The following DSCAML1 variants were observed in gnomAD, a reference collection of about 807,000 sequenced individuals.
DSCAML1 encodes the protein DS cell adhesion molecule like 1.
Under a neutral mutation model 200.5 loss-of-function variants are expected in DSCAML1, and 38 were observed. The observed-to-expected ratio is 0.19, with a 90% confidence interval of 0.15 to 0.25. DSCAML1 has a LOEUF of 0.25. Among genes scored for constraint, DSCAML1 ranks in the 10% least tolerant of loss-of-function variants. The pLI is 1.00. For synonymous variants in DSCAML1, 1,215 were observed against 1,165.0 expected, an observed-to-expected ratio of 1.04 and a Z score of -0.87; for missense variants, 2,223 against 2,858.8, an observed-to-expected ratio of 0.78 and a Z score of 5.07.
rs1347906034 is a variant in DSCAML1 at position 117,439,010 on chromosome 11, A to G, written c.4145-27T>C. 1.9e-6 allele frequency: 3 copies of G among 1,581,920 alleles called. No individual in the cohort carries two copies. The Admixed American group carries it at 5.6e-5, about 30-fold the overall frequency. ...TGTGAGGGGAAAGCCACCACCCCTTAGCACAAGGGCGGACCCTGTGATGGG... is the reference window on the plus strand; with the variant it reads ...TGTGAGGGGAAAGCCACCACCCCTTGGCACAAGGGCGGACCCTGTGATGGG... On this transcript the variant is annotated intron_variant, in intron 23 of 32. Coordinates refer to ENST00000651296, the MANE Select transcript of DSCAML1 (RefSeq NM_020693.4).
chr11:117,782,117 G>A (rs1486670875), intron 1 of DSCAML1, among the ~76,000 whole-genome samples: 2 of 152,178 alleles, frequency 1.3e-5, no homozygotes, highest in East Asian at 1.9e-4. Context: ...TTTAAAGAAC[G>A]TTGCAGGGGA....
rs539963863 is a variant in DSCAML1 at position 117,462,978 on chromosome 11, A to C, written c.3266-1382T>G. Among the ~76,000 whole-genome samples the C allele has an allele frequency of 6.1e-4, 93 of 152,326 alleles. 2 individuals are homozygous for C. In the South Asian group the frequency reaches 0.019, roughly 31 times the overall value. ...GGCCCCCCACGAGGCAAGGGAGGTG[A>C]TGTTTGGACAGAGGCCAGAGGTGGG... On this transcript the variant is annotated intron_variant, in intron 17 of 32. Transcript: ENST00000651296.
intron 3 of DSCAML1, among the ~76,000 whole-genome samples, chr11:117,673,816 C>T (rs536260377): frequency 2.6e-4 from 40 of 152,302 alleles, no homozygotes; most frequent in African/African-American, 7.9e-4. Context: ...CACTTCATTC[C>T]GGACAGCTGC....
intron 3 of DSCAML1, among the ~76,000 whole-genome samples, chr11:117,682,110 G>A (rs185955851): frequency 6.6e-6 from 1 of 152,224 alleles, no homozygotes; most frequent in Non-Finnish European, 1.5e-5. Flanking sequence ...AAGATGCCTG[G>A]GTGCCAGCGG....
intron 3 of DSCAML1, among the ~76,000 whole-genome samples, chr11:117,663,002 T>C (rs911088761): frequency 1.3e-5 from 2 of 148,622 alleles, no homozygotes; most frequent in African/African-American, 5.0e-5. Context: ...GGAGTTGTCA[T>C]TGCCTTTGCC....
At chr11:117,689,860 C>CA (rs2053465576) in intron 3 of DSCAML1, among the ~76,000 whole-genome samples, 1 of 152,142 alleles carries the variant, frequency 6.6e-6, no homozygotes, top group Non-Finnish European at 1.5e-5. Context: ...GTTGCTCAGA[C>CA]AAACGACACC....
At position 117,458,830 on chromosome 11, in the gene DSCAML1, G is replaced by C. The variant is rs745419353; in HGVS notation, c.3492C>G (p.Ser1164Arg). The C allele has an allele frequency of 4.3e-6, 7 of 1,614,030 alleles. No individual in the cohort carries two copies. Among genetic ancestry groups the C allele is most frequent in the Non-Finnish European group, 5.9e-6 (7 of 1,180,010 alleles). ...LRGMEKFTNY[S>R]VQVLAYTQAG... is the part of the protein sequence containing the mutation. ...CCTGGGTGTAGGCCAGCACCTGGAC[G>C]CTGTAGTTGGTGAACTTCTCCATGC... Residue 1164 changes from serine to arginine, a missense_variant, in exon 19 of 33, where the codon AGC (serine) becomes AGG (arginine). By Grantham distance (110) the Ser-to-Arg change is moderately radical. Around this residue, in one of 7 missense-constraint regions of DSCAML1, gnomAD observed 438 missense variants for 629.7 expected, o/e 0.70. Coordinates refer to ENST00000651296, the MANE Select transcript of DSCAML1 (RefSeq NM_020693.4).
chr11:117,458,950 G>A, intron 18 of DSCAML1, 41 bp from the exon 19 acceptor site: 1 of 1,597,702 alleles, frequency 6.3e-7, no homozygotes, highest in Non-Finnish European at 8.5e-7. Context: ...AGCTCCATCG[G>A]GCTGTGGCCC....
At chr11:117,603,033 T>C (rs979874117) in intron 3 of DSCAML1, among the ~76,000 whole-genome samples, 1 of 152,006 alleles carries the variant, frequency 6.6e-6, no homozygotes, top group African/African-American at 2.4e-5. Flanking sequence ...AGGGCAGAGG[T>C]TGCAGTGAGC....
rs1479712185 is a variant in DSCAML1 at position 117,587,336 on chromosome 11, A to T, written c.512-54814T>A. On this transcript the variant is annotated intron_variant, in intron 3 of 32. Transcript: ENST00000651296. ...GGGTGGGAAAAGGTGAGTGACCTGCACAAGGTCAACCAGTTAGAAGGTGGC... is the reference window on the plus strand; with the variant it reads ...GGGTGGGAAAAGGTGAGTGACCTGCTCAAGGTCAACCAGTTAGAAGGTGGC... 2.0e-5 allele frequency among the ~76,000 whole-genome samples: 3 copies of T among 148,526 alleles called. No individual in the cohort carries two copies. The East Asian group carries it at 6.2e-4, about 31-fold the overall frequency.
At chr11:117,539,606 C>CAAA (rs35130897) in intron 3 of DSCAML1, among the ~76,000 whole-genome samples, 1,045 of 52,570 alleles carry the variant, frequency 0.02, 43 homozygotes, top group African/African-American at 0.077. Context: ...AAAACTCTGT[C>CAAA]AAAAAAAAAA....
chr11:117,554,350 G>A (rs763832491), intron 3 of DSCAML1, among the ~76,000 whole-genome samples: 40 of 152,152 alleles, frequency 2.6e-4, no homozygotes, highest in Non-Finnish European at 2.5e-4. Flanking sequence ...AGATACCATG[G>A]ACAAAAACAT....
In DSCAML1 at chr11:117,700,918, G is replaced by A. The variant is rs1187407475; in HGVS notation, c.511+75873C>T. Among the ~76,000 whole-genome samples the A allele has an allele frequency of 3.9e-5, 6 of 152,202 alleles. No homozygotes were observed. The East Asian group carries it at 5.8e-4, about 15-fold the overall frequency. On this transcript the variant is annotated intron_variant, in intron 3 of 32. Coordinates refer to ENST00000651296, the MANE Select transcript of DSCAML1 (RefSeq NM_020693.4). The stretch of plus-strand genomic sequence containing the variant: ...CCTACCCTTAAACAAAGCATTTCAG[G>A]TCCTTCCTCCTAAGACAGCACAGAC...
chr11:117,625,864 A>G (rs1419613412), intron 3 of DSCAML1, among the ~76,000 whole-genome samples: 1 of 152,208 alleles, frequency 6.6e-6, no homozygotes, highest in African/African-American at 2.4e-5. Flanking sequence ...TCCAAATGCC[A>G]TCAATGTCCC....
At chr11:117,590,747 T>TAGGA (rs2051243180) in intron 3 of DSCAML1, among the ~76,000 whole-genome samples, 1 of 152,140 alleles carries the variant, frequency 6.6e-6, no homozygotes, top group Non-Finnish European at 1.5e-5. Context: ...GTGGGGTATG[T>TAGGA]CCCAGGGTGA....
In DSCAML1 at chr11:117,516,763, A is replaced by G; in HGVS notation, c.1511-24T>C. 6.3e-7 allele frequency: 1 copy of G among 1,597,770 alleles called. No homozygotes were observed. Among genetic ancestry groups the G allele is most frequent in the Non-Finnish European group, 8.5e-7 (1 of 1,171,096 alleles). On this transcript the variant is annotated intron_variant, in intron 7 of 32. Coordinates refer to ENST00000651296, the MANE Select transcript of DSCAML1 (RefSeq NM_020693.4). The surrounding 1 kb of genome is among the most constrained non-coding windows in gnomAD (Gnocchi z 5.7). ...GCCTGGGCAGGAGTCAGAAGAGAGGAGGAGGAGGAGAAGGGCATGTGCTGC... is the reference window on the plus strand; with the variant it reads ...GCCTGGGCAGGAGTCAGAAGAGAGGGGGAGGAGGAGAAGGGCATGTGCTGC...
chr11:117,478,438 C>G (rs952662304), intron 14 of DSCAML1, among the ~76,000 whole-genome samples: 4 of 152,132 alleles, frequency 2.6e-5, no homozygotes, highest in African/African-American at 7.2e-5. Context: ...CACAGTCAGC[C>G]CTTTTGTCCC....
intron 18 of DSCAML1, among the ~76,000 whole-genome samples, chr11:117,461,215 C>G (rs1196516313): frequency 1.3e-5 from 2 of 151,542 alleles, no homozygotes; most frequent in Admixed American, 1.3e-4. Context: ...TTGCTCCTGG[C>G]TCTGACCCCA....
intron 3 of DSCAML1, among the ~76,000 whole-genome samples, chr11:117,653,437 T>A (rs899495569): frequency 1.3e-5 from 2 of 151,812 alleles, no homozygotes; most frequent in Non-Finnish European, 2.9e-5. Context: ...CCAGAAGGAT[T>A]CCCCCTTCCC....
Sources: allele counts gnomAD v4.1 joint callset (sites outside exome capture counted in the v4.1 genomes callset), GRCh38; gene constraint gnomAD v4.1.1; regional missense constraint gnomAD v4.1.1; non-coding constraint Gnocchi (gnomAD v3.1); transcripts MANE v1.5; gene names NCBI Gene and HGNC (gene_info 2026-07-23, HGNC 2026-07-21).